Variants in DOK6 observed in about 807,000 individuals in gnomAD.
The protein encoded by DOK6 is downstream of tyrosine kinase 6.
In DOK6, 22 loss-of-function variants were observed where a neutral mutation model predicts 44.0. The ratio of observed to expected loss-of-function variants is 0.50; its 90% CI spans 0.36 to 0.71. The LOEUF is 0.71. DOK6 is among the 30% of genes least tolerant of loss of function. The pLI is 0.00. For synonymous variants in DOK6, 166 were observed against 145.5 expected, an observed-to-expected ratio of 1.14 and a Z score of -1.01; for missense variants, 340 against 416.4, an observed-to-expected ratio of 0.82 and a Z score of 1.60.
intron 4 of DOK6, among the ~76,000 whole-genome samples, chr18:69,683,757 G>C (rs1462592913): frequency 6.6e-6 from 1 of 152,200 alleles, no homozygotes; most frequent in African/African-American, 2.4e-5. Flanking sequence ...CCAACCAATT[G>C]TTGGTACTTT....
intron 1 of DOK6, among the ~76,000 whole-genome samples, chr18:69,455,169 A>C (rs866170221): frequency 0.011 from 1,621 of 141,370 alleles, 39 homozygotes; most frequent in African/African-American, 0.041. Flanking sequence ...AAAAAAAAAA[A>C]AAAAAGAAAA....
At chr18:69,789,070 A>C (rs1980516384) in intron 7 of DOK6, among the ~76,000 whole-genome samples, 1 of 152,178 alleles carries the variant, frequency 6.6e-6, no homozygotes, top group African/African-American at 2.4e-5. Flanking sequence ...ACTTTTTAAG[A>C]AATCCTTTCC....
At chr18:69,693,715 CCTGCCAGT>C (rs1986320314) in intron 4 of DOK6, among the ~76,000 whole-genome samples, 1 of 152,108 alleles carries the variant, frequency 6.6e-6, no homozygotes, top group African/African-American at 2.4e-5. Flanking sequence ...CTTACCTCCA[CCTGCCAGT>C]CTCAGACTCA....
intron 2 of DOK6, 42 bp downstream of exon 2, chr18:69,564,636 C>G (rs747338294): frequency 6.8e-7 from 1 of 1,476,960 alleles, no homozygotes; most frequent in African/African-American, 1.4e-5. Flanking sequence ...TAACTGGGCC[C>G]TTGAAGACTT....
In DOK6 at chr18:69,739,080, C is replaced by A. The variant is rs762299083; in HGVS notation, c.715C>A (p.Leu239Ile). 5 of 1,613,992 alleles carry A rather than the reference C, an allele frequency of 3.1e-6. No individual in the cohort carries two copies. The highest frequency in any genetic ancestry group is 4.2e-6 in the Non-Finnish European group (5 of 1,179,882). The change falls in exon 6 of 8, where the codon CTA (leucine) becomes ATA (isoleucine). Residue 239 changes from leucine to isoleucine, a missense_variant. Physicochemically the swap from Leu to Ile is conservative, Grantham distance 5 (BLOSUM62 2). Transcript: ENST00000382713. ...AIAEQHERLM[L>I]EMEQKARLQT... is the part of the protein sequence containing the mutation. ...AGCTGAGCAACATGAAAGATTAATG[C>A]TAGAAATGGAACAGAAGGCCCGGGT...
intron 7 of DOK6, among the ~76,000 whole-genome samples, chr18:69,806,372 T>G (rs573524870): frequency 1.3e-5 from 2 of 152,008 alleles, no homozygotes; most frequent in African/African-American, 2.4e-5. Context: ...TTTTGGCACT[T>G]TCTAACTTTT....
chr18:69,761,391 G>T (rs1464571617), intron 7 of DOK6, among the ~76,000 whole-genome samples: 4 of 152,144 alleles, frequency 2.6e-5, no homozygotes, highest in Admixed American at 6.5e-5. Flanking sequence ...GCTGATTGTT[G>T]CCCAACACTG....
Position 69,401,116 on chromosome 18 carries a change from A to C in DOK6, c.-129A>C. 7 of 900,388 alleles carry C rather than the reference A, an allele frequency of 7.8e-6. No individual in the cohort carries two copies. The highest frequency in any genetic ancestry group is 1.0e-5 in the Non-Finnish European group (7 of 674,428). The allele number at this position is 900,388 out of a possible 1,614,324, so 55.8% of individuals were successfully genotyped here. A position where few individuals can be genotyped will look rare whatever the true frequency, so the allele number is the denominator to read the frequency against. On this transcript the variant is annotated 5_prime_UTR_variant, in exon 1 of 8. Coordinates refer to ENST00000382713, the MANE Select transcript of DOK6 (RefSeq NM_152721.6). Reference sequence around the variant, plus strand: ...GTCCCCACCGGCGGGAGCTCGGGGAAGAGCGGGCGGCGGCGCTGCTGCTGG... The same window carrying C: ...GTCCCCACCGGCGGGAGCTCGGGGACGAGCGGGCGGCGGCGCTGCTGCTGG...
chr18:69,416,897 T>TAGGTTGTTGGA (rs1259374381), intron 1 of DOK6, among the ~76,000 whole-genome samples: 2 of 144,124 alleles, frequency 1.4e-5, no homozygotes, highest in Non-Finnish European at 3.2e-5. Context: ...TAAACCATTT[T>TAGGTTGTTGGA]AGGTTATGGC....
intron 3 of DOK6, among the ~76,000 whole-genome samples, chr18:69,608,102 A>G (rs1325665943): frequency 6.6e-6 from 1 of 152,236 alleles, no homozygotes. Context: ...AATAAAACCA[A>G]GATTAAAAGG....
chr18:69,754,159 G>C (rs997758357), intron 6 of DOK6, among the ~76,000 whole-genome samples: 1 of 151,918 alleles, frequency 6.6e-6, no homozygotes. Context: ...AGTTAAGGAT[G>C]AGTTTTAATT....
chr18:69,538,851 C>T (rs1982192317), intron 1 of DOK6, among the ~76,000 whole-genome samples: 1 of 152,040 alleles, frequency 6.6e-6, no homozygotes, highest in Non-Finnish European at 1.5e-5. Context: ...CCTTTTTCCT[C>T]TCCAGCCTTC....
intron 7 of DOK6, among the ~76,000 whole-genome samples, chr18:69,814,604 G>T (rs1981341951): frequency 6.6e-6 from 1 of 152,126 alleles, no homozygotes; most frequent in Non-Finnish European, 1.5e-5. Flanking sequence ...CAGTTCCACA[G>T]GATTAACAGG....
chr18:69,584,609 T>A (rs769871290), intron 2 of DOK6, among the ~76,000 whole-genome samples: 2 of 151,966 alleles, frequency 1.3e-5, no homozygotes, highest in Non-Finnish European at 2.9e-5. Flanking sequence ...GGTTTTTGCA[T>A]CAATATTAAA....
At chr18:69,429,794 A>G (rs1978754252) in intron 1 of DOK6, among the ~76,000 whole-genome samples, 1 of 151,702 alleles carries the variant, frequency 6.6e-6, no homozygotes, top group African/African-American at 2.4e-5. Context: ...AAACCTGTTA[A>G]AAAGAGAGAA....
rs764244045 is a variant in DOK6 at position 69,596,923 on chromosome 18, G to A, written c.175-2461G>A. ...GAGGTGGTGGCAGCAAAGTTGTATC[G>A]ACTATGGAAATGACTTCAGATAGTA... On this transcript the variant is annotated intron_variant, in intron 2 of 7. Transcript: ENST00000382713. Among the ~76,000 whole-genome samples the A allele has an allele frequency of 1.2e-3, 176 of 152,088 alleles. 1 individual carries two copies. Among genetic ancestry groups the A allele is most frequent in the African/African-American group, 4.0e-3 (166 of 41,494 alleles).
chr18:69,563,871 G>A (rs1385814334), intron 1 of DOK6, among the ~76,000 whole-genome samples: 2 of 151,708 alleles, frequency 1.3e-5, no homozygotes, highest in African/African-American at 4.8e-5. Context: ...TGAAATGAAA[G>A]TAATGCCTAT....
chr18:69,685,897 C>T (rs184291651), intron 4 of DOK6, among the ~76,000 whole-genome samples: 9 of 152,220 alleles, frequency 5.9e-5, no homozygotes, highest in African/African-American at 9.6e-5. Flanking sequence ...TCACTAGACA[C>T]GTGCCTATGT....
intron 7 of DOK6, among the ~76,000 whole-genome samples, chr18:69,803,852 C>T (rs766046731): frequency 1.3e-5 from 2 of 151,836 alleles, no homozygotes; most frequent in African/African-American, 2.4e-5. Context: ...AGCAAGGCTC[C>T]GTCTCAAAAA....
Sources: allele counts gnomAD v4.1 joint callset (sites outside exome capture counted in the v4.1 genomes callset), GRCh38; gene constraint gnomAD v4.1.1; transcripts MANE v1.5; gene names NCBI Gene and HGNC (gene_info 2026-07-23, HGNC 2026-07-21).